The following STK3 variants were observed in gnomAD, a reference collection of about 807,000 sequenced individuals.
STK3 encodes serine/threonine kinase 3, also known as serine/threonine-protein kinase 3.
In STK3, 41 loss-of-function variants were observed where a neutral mutation model predicts 58.0. The ratio of observed to expected loss-of-function variants is 0.71; its 90% CI spans 0.55 to 0.92. STK3 has a LOEUF of 0.92. Among genes scored for constraint, STK3 ranks in the 40% least tolerant of loss-of-function variants. The pLI, the probability that STK3 is intolerant of heterozygous loss-of-function variation, is 0.00. For missense variants in STK3, 479 were observed against 602.7 expected (o/e 0.79, Z 2.15); for synonymous variants, 170 against 191.0 (o/e 0.89, Z 0.91).
chr8:98,795,290 A>T (rs2131598110), intron 1 of STK3, among the ~76,000 whole-genome samples: 1 of 149,368 alleles, frequency 6.7e-6, no homozygotes, highest in East Asian at 2.0e-4. Context: ...TGACCATCCC[A>T]ACAGACATGG....
chr8:98,475,816 C>T (rs552323130), intron 10 of STK3, among the ~76,000 whole-genome samples: 52 of 152,258 alleles, frequency 3.4e-4, no homozygotes, highest in African/African-American at 9.4e-4. Flanking sequence ...TTGCCAGACG[C>T]GAAACAAATT....
chr8:98,627,361 A>G lies in STK3; in HGVS notation c.685-31192T>C, dbSNP rs948092632. The stretch of plus-strand genomic sequence containing the variant: ...AAACCCTGTCTCTACTAAAAACATA[A>G]AAATTAGCCAAGCGTGGTGGCATGT... On this transcript the variant is annotated intron_variant, in intron 6 of 10. Transcript: ENST00000419617. 1.9e-4 allele frequency among the ~76,000 whole-genome samples: 29 copies of G among 152,200 alleles called. 1 individual carries two copies. The highest frequency in any genetic ancestry group is 6.7e-4 in the African/African-American group (28 of 41,534).
At chr8:98,873,836 A>G (rs1007476379) in intron 3 of STK3, among the ~76,000 whole-genome samples, 2 of 152,104 alleles carry the variant, frequency 1.3e-5, no homozygotes, top group East Asian at 1.9e-4. Context: ...CATTTAGCCC[A>G]TTTACATTTA....
chr8:98,894,183 C>T (rs1442267787), intron 1 of STK3, among the ~76,000 whole-genome samples: 2 of 152,202 alleles, frequency 1.3e-5, no homozygotes, highest in African/African-American at 4.8e-5. Context: ...CCTTGGTGAA[C>T]CAATTCTACA....
chr8:98,792,225 G>T (rs984488101), intron 1 of STK3, among the ~76,000 whole-genome samples: 2 of 152,138 alleles, frequency 1.3e-5, no homozygotes, highest in Non-Finnish European at 2.9e-5. Flanking sequence ...ATCACTAATA[G>T]ATCAAGAAAT....
At chr8:98,747,871 C>G (rs1829743110) in intron 4 of STK3, among the ~76,000 whole-genome samples, 1 of 152,084 alleles carries the variant, frequency 6.6e-6, no homozygotes, top group Admixed American at 6.6e-5. Context: ...GTACAACTCC[C>G]CAACATGCTC....
intron 6 of STK3, among the ~76,000 whole-genome samples, chr8:98,639,320 C>T (rs2130591400): frequency 6.6e-6 from 1 of 152,130 alleles, no homozygotes; most frequent in Non-Finnish European, 1.5e-5. Context: ...GTCATGTTGC[C>T]CAGGCTGGTA....
intron 3 of STK3, among the ~76,000 whole-genome samples, chr8:98,433,969 A>T (rs1254450813): frequency 6.6e-6 from 1 of 152,230 alleles, no homozygotes; most frequent in Non-Finnish European, 1.5e-5. Context: ...AATCAATAAG[A>T]TCCCATTCGA....
chr8:98,825,004 C>T (rs1835157208), intron 1 of STK3, among the ~76,000 whole-genome samples: 1 of 152,184 alleles, frequency 6.6e-6, no homozygotes, highest in African/African-American at 2.4e-5. Context: ...ATTTCCAACA[C>T]AGGTGTCAAA....
chr8:98,392,881 A>G (rs936113195), upstream of STK3, among the ~76,000 whole-genome samples: 3 of 152,164 alleles, frequency 2.0e-5, no homozygotes, highest in African/African-American at 7.2e-5. Context: ...AAACATCACT[A>G]TGACCCTTGC....
chr8:98,467,815 T>G (rs1820601570), intron 10 of STK3, among the ~76,000 whole-genome samples: 1 of 152,182 alleles, frequency 6.6e-6, no homozygotes, highest in Admixed American at 6.5e-5. Context: ...TAGTTGACTC[T>G]TTGAGGAAAC....
intron 1 of STK3, chr8:98,905,331 A>T: frequency 1.1e-6 from 1 of 908,050 alleles, no homozygotes; most frequent in Non-Finnish European, 1.9e-6. Flanking sequence ...GTGTATGAGG[A>T]CATAATCTTT....
intron 1 of STK3, among the ~76,000 whole-genome samples, chr8:98,383,011 G>A (rs541202411): frequency 2.6e-5 from 4 of 152,278 alleles, no homozygotes; most frequent in South Asian, 2.1e-4. Flanking sequence ...GTGCCACAGC[G>A]TGAGGGCTCT....
chr8:98,691,383 G>T (rs1824391071), intron 6 of STK3, among the ~76,000 whole-genome samples: 1 of 152,142 alleles, frequency 6.6e-6, no homozygotes, highest in Admixed American at 6.5e-5. Context: ...CTACTTGGTA[G>T]ACAACTAAGT....
chr8:98,531,119 C>T (rs1179345167), intron 9 of STK3, among the ~76,000 whole-genome samples: 1 of 152,194 alleles, frequency 6.6e-6, no homozygotes, highest in East Asian at 1.9e-4. Flanking sequence ...CTATGAATCA[C>T]AAATGTTCTT....
chr8:98,388,295 G>C (rs1201996347), upstream of STK3: 1 of 152,098 alleles, frequency 6.6e-6, no homozygotes, highest in African/African-American at 2.4e-5. Context: ...TCATATTGTA[G>C]CCCCCACTGT....
downstream of STK3, among the ~76,000 whole-genome samples, chr8:98,452,835 A>T (rs999822391): frequency 7.5e-5 from 11 of 146,466 alleles, no homozygotes; most frequent in South Asian, 2.1e-4. Flanking sequence ...ATCTCAGCTC[A>T]CTGCAACCTC....
intron 4 of STK3, among the ~76,000 whole-genome samples, chr8:98,733,116 T>C (rs1828327702): frequency 6.6e-6 from 1 of 152,238 alleles, no homozygotes; most frequent in African/African-American, 2.4e-5. Context: ...AAGATGTTCT[T>C]TGCCCTCTCT....
chr8:98,571,614 C>A (rs1812975874), intron 8 of STK3, among the ~76,000 whole-genome samples: 1 of 152,124 alleles, frequency 6.6e-6, no homozygotes, highest in African/African-American at 2.4e-5. Flanking sequence ...ACCAGAAAGT[C>A]CTCATTTCTT....
Sources: gnomAD v4.1 joint callset for allele counts (sites outside exome capture counted in the v4.1 genomes callset) on GRCh38, gnomAD v4.1.1 for gene constraint, MANE v1.5 for transcripts, NCBI Gene and HGNC (gene_info 2026-07-23, HGNC 2026-07-21) for gene names.